The following ANKRD27 variants were observed in gnomAD, a reference collection of about 807,000 sequenced individuals.
ANKRD27 encodes the protein ankyrin repeat domain-containing protein 27.
Under a neutral mutation model 129.7 loss-of-function variants are expected in ANKRD27, and 112 were observed. That is an observed-to-expected ratio of 0.86 (90% CI 0.74 to 1.01). ANKRD27 has a LOEUF of 1.01. Ranked by LOEUF, ANKRD27 falls within the 50% of genes least tolerant of loss-of-function variation. The pLI is 0.00. For missense variants in ANKRD27, 1,258 were observed against 1,300.5 expected, an observed-to-expected ratio of 0.97 and a Z score of 0.50; for synonymous variants, 516 against 511.2, an observed-to-expected ratio of 1.01 and a Z score of -0.13.
rs1599748499 is a variant in ANKRD27, at chr19:32,626,603, G to A, written c.1536+109C>T. 3.2e-5 allele frequency: 25 copies of A among 783,820 alleles called. 1 individual carries two copies. In the South Asian group the frequency reaches 4.7e-4, roughly 15 times the overall value. 48.6% of individuals were successfully genotyped at this position (783,820 alleles called of 1,614,324 possible). A position where few individuals can be genotyped will look rare whatever the true frequency, so the allele number is the denominator to read the frequency against. ...GCTGGTGTGGAACGAGGGGGGCACA[G>A]CACCAGGAGACAGGGGTGCAGGGTA... On this transcript the variant is annotated intron_variant, in intron 16 of 28. Transcript: ENST00000306065.
At chr19:32,659,093 G>C in intron 1 of ANKRD27, 48 bp from the exon 2 acceptor site, 1 of 912,928 alleles carries the variant, frequency 1.1e-6, no homozygotes, top group Non-Finnish European at 1.8e-6. Context: ...TCGAGTTTAC[G>C]TAACACATGA....
intron 2 of ANKRD27, among the ~76,000 whole-genome samples, chr19:32,653,555 T>C (rs1481816768): frequency 6.6e-6 from 1 of 151,898 alleles, no homozygotes; most frequent in Non-Finnish European, 1.5e-5. Context: ...TTAGAAGCAG[T>C]GGGGTTGTCA....
rs10667176 is a variant in ANKRD27, at chr19:32,667,832, C to CAAAAA, written c.-31+7234_-31+7238dup. The stretch of plus-strand genomic sequence containing the variant: ...GGGCGACAAGAGTGAAACTCCGTCT[C>CAAAAA]AAAAAAAAAAAAAAAAGTCATTAGA... On this transcript the variant is annotated intron_variant, in intron 1 of 28. Transcript: ENST00000306065. 2.2e-4 allele frequency among the ~76,000 whole-genome samples: 30 copies of CAAAAA among 134,880 alleles called. 7 individuals are homozygous for CAAAAA. Among genetic ancestry groups the CAAAAA allele is most frequent in the Non-Finnish European group, 2.4e-4 (15 of 63,444 alleles). The allele number at this position is 134,880 out of a possible 152,430, so 88.5% of individuals were successfully genotyped here.
chr19:32,672,758 G>A (rs1864206), intron 1 of ANKRD27: 13,040 of 152,296 alleles, frequency 0.086, 1,043 homozygotes, highest in African/African-American at 0.2. Context: ...CCCTGTTCCC[G>A]GACCACAGGG....
intron 22 of ANKRD27, among the ~76,000 whole-genome samples, chr19:32,612,643 T>G (rs1160693430): frequency 6.6e-6 from 1 of 151,452 alleles, no homozygotes; most frequent in African/African-American, 2.4e-5. Context: ...AACCCAGAAA[T>G]AGATCCACAC....
chr19:32,616,121 C>T (rs965366773), intron 21 of ANKRD27, among the ~76,000 whole-genome samples: 3 of 152,132 alleles, frequency 2.0e-5, no homozygotes, highest in Admixed American at 6.6e-5. Context: ...ATCGCCTGAG[C>T]CCAGGAGTTC....
At chr19:32,665,320 C>T (rs7253387) in intron 1 of ANKRD27, among the ~76,000 whole-genome samples, 4 of 148,262 alleles carry the variant, frequency 2.7e-5, no homozygotes, top group Admixed American at 1.4e-4. Flanking sequence ...GACAGAGTCT[C>T]GCTCTCTCAC....
intron 2 of ANKRD27, among the ~76,000 whole-genome samples, chr19:32,657,641 C>A (rs969887315): frequency 3.4e-5 from 5 of 148,796 alleles, no homozygotes; most frequent in Non-Finnish European, 7.4e-5. Flanking sequence ...AAAAAAGAAA[C>A]CCAGTTTCTG....
chr19:32,616,828 G>C (rs1039131331), intron 21 of ANKRD27, among the ~76,000 whole-genome samples: 1 of 152,118 alleles, frequency 6.6e-6, no homozygotes, highest in Non-Finnish European at 1.5e-5. Context: ...AGGAGTCCCA[G>C]CTGACCACAG....
intron 2 of ANKRD27, among the ~76,000 whole-genome samples, chr19:32,652,008 G>A (rs747412411): frequency 4.4e-4 from 67 of 152,172 alleles, no homozygotes; most frequent in Admixed American, 5.2e-4. Context: ...GGGCTCCCTG[G>A]CTCCACCCAC....
At chr19:32,656,734 G>A (rs539615542) in intron 2 of ANKRD27, among the ~76,000 whole-genome samples, 2 of 151,286 alleles carry the variant, frequency 1.3e-5, no homozygotes, top group East Asian at 2.0e-4. Context: ...GCAGTGAGCC[G>A]TGTTCATGTC....
intron 3 of ANKRD27, among the ~76,000 whole-genome samples, chr19:32,647,015 A>G (rs892970539): frequency 3.3e-5 from 5 of 151,936 alleles, no homozygotes; most frequent in African/African-American, 1.2e-4. Flanking sequence ...TAGTAGAGAC[A>G]CAGTTTTGTC....
intron 12 of ANKRD27, chr19:32,638,817 A>G (rs1385576740): frequency 1.2e-5 from 2 of 163,316 alleles, no homozygotes; most frequent in African/African-American, 4.8e-5. Flanking sequence ...TGCAGTGGCC[A>G]GACCCTGCAC....
chr19:32,603,448 G>A (rs537606199), intron 25 of ANKRD27, among the ~76,000 whole-genome samples: 1 of 152,026 alleles, frequency 6.6e-6, no homozygotes, highest in Non-Finnish European at 1.5e-5. Flanking sequence ...CTCGCCAGGG[G>A]AAAAGGACCC....
intron 21 of ANKRD27, among the ~76,000 whole-genome samples, chr19:32,616,907 C>T (rs1971929003): frequency 6.6e-6 from 1 of 152,128 alleles, no homozygotes; most frequent in South Asian, 2.1e-4. Context: ...CTCCCCAAGA[C>T]GCTGCCCTCT....
intron 25 of ANKRD27, among the ~76,000 whole-genome samples, chr19:32,603,393 CAAAA>C (rs1971681163): frequency 6.6e-6 from 1 of 152,098 alleles, no homozygotes; most frequent in Non-Finnish European, 1.5e-5. Context: ...GGGTAGAAAA[CAAAA>C]GAAAGACTCA....
In ANKRD27 at chr19:32,602,071, T is replaced by TC; in HGVS notation, c.2710dup (p.Asp904GlyfsTer2). The TC allele has an allele frequency of 6.2e-7, 1 of 1,614,126 alleles. No individual in the cohort carries two copies. The highest frequency in any genetic ancestry group is 8.5e-7 in the Non-Finnish European group (1 of 1,179,994). ...CTTGCGGTCAGTTTCAGCCACATCA[T>TC]CTAATGAAGCAACACAGCTTGGTAC... On this transcript the variant is annotated frameshift_variant, in exon 26 of 29. Coordinates refer to ENST00000306065, the MANE Select transcript of ANKRD27 (RefSeq NM_032139.3). LOFTEE classifies it high-confidence loss of function.
intron 22 of ANKRD27, 138 bp downstream of exon 22, chr19:32,615,520 G>A: frequency 7.2e-7 from 1 of 1,387,814 alleles, no homozygotes; most frequent in South Asian, 1.2e-5. Flanking sequence ...GGCGGTTGAG[G>A]CTGCAGTGGG....
intron 22 of ANKRD27, among the ~76,000 whole-genome samples, chr19:32,613,412 A>T (rs1025327700): frequency 6.6e-6 from 1 of 152,226 alleles, no homozygotes; most frequent in African/African-American, 2.4e-5. Context: ...CAATGACCAT[A>T]TGACTCCACA....
Sources: gnomAD v4.1 joint callset for allele counts (sites outside exome capture counted in the v4.1 genomes callset) on GRCh38, gnomAD v4.1.1 for gene constraint, MANE v1.5 for transcripts, NCBI Gene and HGNC (gene_info 2026-07-23, HGNC 2026-07-21) for gene names.